The following MED28 variants were observed in gnomAD, a reference collection of about 807,000 sequenced individuals.
MED28 encodes mediator complex subunit 28, also known as mediator of RNA polymerase II transcription subunit 28.
A neutral mutation model predicts 21.3 loss-of-function variants in MED28; 26 were observed. The ratio of observed to expected loss-of-function variants is 1.22; its 90% CI spans 0.89 to 1.69. The LOEUF is 1.69. Ranked by LOEUF, MED28 falls within the 40% of genes most tolerant of loss-of-function variation. The pLI, the probability that MED28 is intolerant of heterozygous loss-of-function variation, is 0.00. For missense variants in MED28, 257 were observed against 215.4 expected (o/e 1.19, Z -1.21); for synonymous variants, 110 against 87.6 (o/e 1.26, Z -1.43).
chr4:17,630,621 G>A lies in MED28; in HGVS notation c.*6823G>A, dbSNP rs1000262715. 2.6e-5 allele frequency: 4 copies of A among 152,158 alleles called. No individual in the cohort carries two copies. The highest frequency in any genetic ancestry group is 6.5e-5 in the Admixed American group (1 of 15,278). 9.4% of individuals were successfully genotyped at this position (152,158 alleles called of 1,614,324 possible). ...CTGAACGAACTAAGACACTCTAAGCGGGAAACTCACAAAAAATATTTGGTA... is the reference window on the plus strand; with the variant it reads ...CTGAACGAACTAAGACACTCTAAGCAGGAAACTCACAAAAAATATTTGGTA... On this transcript the variant is annotated 3_prime_UTR_variant, in exon 4 of 4. Coordinates refer to ENST00000237380, the MANE Select transcript of MED28 (RefSeq NM_025205.5).
Position 17,632,687 on chromosome 4 carries a change from C to A in MED28, c.*8889C>A. ...AAACTATGCAAGAAGCAGCTTAATACCCACCATCTTTTCAGGGAAAGATAA... is the reference window on the plus strand; with the variant it reads ...AAACTATGCAAGAAGCAGCTTAATAACCACCATCTTTTCAGGGAAAGATAA... On this transcript the variant is annotated 3_prime_UTR_variant, in exon 4 of 4. Coordinates refer to ENST00000237380, the MANE Select transcript of MED28 (RefSeq NM_025205.5). 9.1e-7 allele frequency: 1 copy of A among 1,094,478 alleles called. No individual in the cohort carries two copies. Among genetic ancestry groups the A allele is most frequent in the South Asian group, 1.4e-5 (1 of 71,842 alleles). The allele number at this position is 1,094,478 out of a possible 1,614,324, so 67.8% of individuals were successfully genotyped here.
At position 17,633,680 on chromosome 4, in the gene MED28, C is replaced by G. The variant is rs1347823981; in HGVS notation, c.*9882C>G. 6.6e-7 allele frequency: 1 copy of G among 1,513,480 alleles called. No individual in the cohort carries two copies. Among genetic ancestry groups the G allele is most frequent in the Non-Finnish European group, 8.9e-7 (1 of 1,126,792 alleles). The allele number at this position is 1,513,480 out of a possible 1,614,324, so 93.8% of individuals were successfully genotyped here. ...GAATAAGGGCCCCTGTCCCCAACAT[C>G]CCCCAAACCTTGTGGCAGTTTTTGC... On this transcript the variant is annotated 3_prime_UTR_variant, in exon 4 of 4. Coordinates refer to ENST00000237380, the MANE Select transcript of MED28 (RefSeq NM_025205.5).
chr4:17,622,975 C>T (rs1304379382), intron 3 of MED28, among the ~76,000 whole-genome samples: 2 of 152,186 alleles, frequency 1.3e-5, no homozygotes, highest in Non-Finnish European at 2.9e-5. Context: ...AGGTTCCTCC[C>T]TCGACACATG....
chr4:17,626,704 C>T lies in MED28; in HGVS notation c.*2906C>T, dbSNP rs1309244756. On this transcript the variant is annotated 3_prime_UTR_variant, in exon 4 of 4. Transcript: ENST00000237380. The stretch of plus-strand genomic sequence containing the variant: ...TTTTTTTTTTGAGACAGGAGTCTTG[C>T]TCTGTTGCCCAGGCTGTAGTGCAGT... The T allele has an allele frequency of 6.6e-6, 1 of 152,260 alleles. No individual in the cohort carries two copies. Among genetic ancestry groups the T allele is most frequent in the Non-Finnish European group, 1.5e-5 (1 of 68,242 alleles). 9.4% of individuals were successfully genotyped at this position (152,260 alleles called of 1,614,324 possible).
chr4:17,621,748 C>G, intron 3 of MED28, 49 bp downstream of exon 3: 1 of 1,218,240 alleles, frequency 8.2e-7, no homozygotes. Flanking sequence ...CTAAGTGGTG[C>G]CAGGATTCCT....
Position 17,633,522 on chromosome 4 carries a change from T to C in MED28, c.*9724T>C. The C allele has an allele frequency of 1.7e-6, 1 of 585,364 alleles. No individual in the cohort carries two copies. Among genetic ancestry groups the C allele is most frequent in the Non-Finnish European group, 2.9e-6 (1 of 348,546 alleles). 36.3% of individuals were successfully genotyped at this position (585,364 alleles called of 1,614,324 possible). ...CAGGCCAGATGGAGTCCACCTTTTG[T>C]ATAACCCATGCTGAAGTTTTCAGGT... On this transcript the variant is annotated 3_prime_UTR_variant, in exon 4 of 4. Coordinates refer to ENST00000237380, the MANE Select transcript of MED28 (RefSeq NM_025205.5).
rs767698170 is a variant in MED28, at chr4:17,620,351, CAT to C, written c.226+385_226+386del. Among the ~76,000 whole-genome samples, 43 of 121,172 alleles carry C rather than the reference CAT, an allele frequency of 3.5e-4. 1 individual carries two copies. The highest frequency in any genetic ancestry group is 1.1e-3 in the South Asian group (4 of 3,728). The allele number at this position is 121,172 out of a possible 152,430, so 79.5% of individuals were successfully genotyped here. A position where few individuals can be genotyped will look rare whatever the true frequency, so the allele number is the denominator to read the frequency against. On this transcript the variant is annotated intron_variant, in intron 2 of 3. Coordinates refer to ENST00000237380, the MANE Select transcript of MED28 (RefSeq NM_025205.5). ...TCTGATTTCTTCGTACCATATTTTA[CAT>C]GTTTTTTTTTTTTTTTGATGGAGTT...
chr4:17,614,697 G>A lies in MED28; in HGVS notation c.43G>A (p.Gly15Ser). 2 of 1,614,046 alleles carry A rather than the reference G, an allele frequency of 1.2e-6. No individual in the cohort carries two copies. The highest frequency in any genetic ancestry group is 3.3e-4 in the Middle Eastern group (2 of 6,036). Residue 15 changes from glycine (G) to serine (S), a missense_variant, in exon 1 of 4, where the codon GGT becomes AGT. By Grantham distance (56) the Gly-to-Ser change is moderately conservative. Coordinates refer to ENST00000237380, the MANE Select transcript of MED28 (RefSeq NM_025205.5). ...LGGMFSGQPPGPPQAPPGLPG... is the reference protein window; with the variant it reads ...LGGMFSGQPPSPPQAPPGLPG... ...GGGTATGTTTTCTGGGCAGCCACCC[G>A]GTCCCCCTCAGGCCCCGCCGGGCCT... is the stretch of plus-strand genomic sequence containing the variant.
intron 1 of MED28, among the ~76,000 whole-genome samples, chr4:17,617,886 A>G (rs906906790): frequency 3.9e-5 from 6 of 152,006 alleles, no homozygotes; most frequent in Admixed American, 6.6e-5. Flanking sequence ...AGCCTGGGCA[A>G]TAGAGTGAGA....
intron 2 of MED28, among the ~76,000 whole-genome samples, chr4:17,621,330 A>T: frequency 6.6e-6 from 1 of 152,044 alleles, no homozygotes. Flanking sequence ...TTTTTAAAGA[A>T]GATCTCATGG....
In MED28 at chr4:17,627,791, T is replaced by A. The variant is rs1039376429; in HGVS notation, c.*3993T>A. 6.6e-6 allele frequency: 1 copy of A among 152,538 alleles called. No individual in the cohort carries two copies. Among genetic ancestry groups the A allele is most frequent in the Non-Finnish European group, 1.5e-5 (1 of 68,330 alleles). 9.4% of individuals were successfully genotyped at this position (152,538 alleles called of 1,614,324 possible). A position where few individuals can be genotyped will look rare whatever the true frequency, so the allele number is the denominator to read the frequency against. The stretch of plus-strand genomic sequence containing the variant: ...TTGCAGTGAGCCGAGATCGAGCCAC[T>A]GCACTCCAGCCTGGGTGACAGAGTA... On this transcript the variant is annotated 3_prime_UTR_variant, in exon 4 of 4. Coordinates refer to ENST00000237380, the MANE Select transcript of MED28 (RefSeq NM_025205.5).
intron 1 of MED28, among the ~76,000 whole-genome samples, chr4:17,618,075 G>A (rs140660478): frequency 0.012 from 1,706 of 138,786 alleles, 36 homozygotes; most frequent in African/African-American, 0.042. Flanking sequence ...GCAATGGCAC[G>A]ATGTTGGGTC....
Position 17,633,755 on chromosome 4 carries a change from T to C in MED28, c.*9957T>C, listed in dbSNP as rs1365876869. ...GGTCCGGCCACAGCTGGGGCTTGGGTCCAAGCTGGGTGATGTAGTTATTGG... is the reference window on the plus strand; with the variant it reads ...GGTCCGGCCACAGCTGGGGCTTGGGCCCAAGCTGGGTGATGTAGTTATTGG... On this transcript the variant is annotated 3_prime_UTR_variant, in exon 4 of 4. Transcript: ENST00000237380. The C allele has an allele frequency of 6.4e-7, 1 of 1,551,122 alleles. No individual in the cohort carries two copies. The highest frequency in any genetic ancestry group is 8.7e-7 in the Non-Finnish European group (1 of 1,146,794).
chr4:17,632,552 T>TTA lies in MED28; in HGVS notation c.*8754_*8755insTA. 6.4e-7 allele frequency: 1 copy of TTA among 1,551,390 alleles called. No homozygotes were observed. The highest frequency in any genetic ancestry group is 8.7e-7 in the Non-Finnish European group (1 of 1,146,736). ...TTAGCTTAGAAAGAAAAGTACTTGG[T>TTA]GAACCATTCCTGGTGCGGAGAGCCC... On this transcript the variant is annotated 3_prime_UTR_variant, in exon 4 of 4. Coordinates refer to ENST00000237380, the MANE Select transcript of MED28 (RefSeq NM_025205.5).
chr4:17,631,181 C>G lies in MED28; in HGVS notation c.*7383C>G, dbSNP rs1041714783. The G allele has an allele frequency of 1.3e-4, 20 of 152,136 alleles. No individual in the cohort carries two copies. The highest frequency in any genetic ancestry group is 4.6e-4 in the African/African-American group (19 of 41,396). 9.4% of individuals were successfully genotyped at this position (152,136 alleles called of 1,614,324 possible). A position where few individuals can be genotyped will look rare whatever the true frequency, so the allele number is the denominator to read the frequency against. ...GCAACACACCATGAGGCAAATGGCT[C>G]AAACCCAAAGACCAGAGGTTCAGGG... On this transcript the variant is annotated 3_prime_UTR_variant, in exon 4 of 4. Coordinates refer to ENST00000237380, the MANE Select transcript of MED28 (RefSeq NM_025205.5).
At position 17,626,328 on chromosome 4, in the gene MED28, G is replaced by C. The variant is rs114108350; in HGVS notation, c.*2530G>C. The C allele has an allele frequency of 6.6e-6, 1 of 152,336 alleles. No individual in the cohort carries two copies. The highest frequency in any genetic ancestry group is 1.5e-5 in the Non-Finnish European group (1 of 68,152). 9.4% of individuals were successfully genotyped at this position (152,336 alleles called of 1,614,324 possible). A position where few individuals can be genotyped will look rare whatever the true frequency, so the allele number is the denominator to read the frequency against. Reference sequence around the variant, plus strand: ...CAGGTGTTAGTGATTTCTGTTGTTCGGGAAGAGGAGGGTTATGGAGGAAGA... The same window carrying C: ...CAGGTGTTAGTGATTTCTGTTGTTCCGGAAGAGGAGGGTTATGGAGGAAGA... On this transcript the variant is annotated 3_prime_UTR_variant, in exon 4 of 4. Coordinates refer to ENST00000237380, the MANE Select transcript of MED28 (RefSeq NM_025205.5).
chr4:17,614,649 C>G lies in MED28; in HGVS notation c.-6C>G. ...CGCAGTGGATCTCTCTTGCGCCATT[C>G]CAAACATGGCGGCTCCACTAGGGGG... On this transcript the variant is annotated 5_prime_UTR_variant, in exon 1 of 4. Coordinates refer to ENST00000237380, the MANE Select transcript of MED28 (RefSeq NM_025205.5). The G allele has an allele frequency of 6.2e-7, 1 of 1,605,916 alleles. No homozygotes were observed. Among genetic ancestry groups the G allele is most frequent in the East Asian group, 2.2e-5 (1 of 44,760 alleles).
rs980785091 is a variant in MED28 at position 17,627,327 on chromosome 4, T to C, written c.*3529T>C. 2.6e-5 allele frequency: 4 copies of C among 152,180 alleles called. No homozygotes were observed. Among genetic ancestry groups the C allele is most frequent in the African/African-American group, 4.8e-5 (2 of 41,406 alleles). The allele number at this position is 152,180 out of a possible 1,614,324, so 9.4% of individuals were successfully genotyped here. A position where few individuals can be genotyped will look rare whatever the true frequency, so the allele number is the denominator to read the frequency against. On this transcript the variant is annotated 3_prime_UTR_variant, in exon 4 of 4. Transcript: ENST00000237380. The stretch of plus-strand genomic sequence containing the variant: ...CTGGTCTTGAACTCCTGACCTCAAG[T>C]GATCTGTCCGCCTCAGCCTCCCAAA...
At chr4:17,618,566 G>T (rs1199491680) in intron 1 of MED28, among the ~76,000 whole-genome samples, 1 of 152,114 alleles carries the variant, frequency 6.6e-6, no homozygotes, top group Non-Finnish European at 1.5e-5. Flanking sequence ...ACCCAGGCTG[G>T]AGTGCAGTGG....
Sources: allele counts gnomAD v4.1 joint callset (sites outside exome capture counted in the v4.1 genomes callset), GRCh38; gene constraint gnomAD v4.1.1; transcripts MANE v1.5; gene names NCBI Gene and HGNC (gene_info 2026-07-23, HGNC 2026-07-21).